The following KCNK9 variants were observed in gnomAD, a reference collection of about 807,000 sequenced individuals.
The protein encoded by KCNK9 is potassium two pore domain channel subfamily K member 9.
Under a neutral mutation model 10.8 loss-of-function variants are expected in KCNK9, and 1 was observed. The ratio of observed to expected loss-of-function variants is 0.09; its 90% CI spans 0.03 to 0.44. The LOEUF (loss-of-function observed/expected upper bound fraction) is 0.44. KCNK9 is among the 20% of genes least tolerant of loss of function. The pLI is 0.97. For synonymous variants in KCNK9, 231 were observed against 222.7 expected, an observed-to-expected ratio of 1.04 and a Z score of -0.33; for missense variants, 303 against 515.0, an observed-to-expected ratio of 0.59 and a Z score of 3.98.
intron 1 of KCNK9, among the ~76,000 whole-genome samples, chr8:139,636,510 C>T (rs1815344905): frequency 6.6e-6 from 1 of 152,232 alleles, no homozygotes; most frequent in Non-Finnish European, 1.5e-5. Context: ...CAGAGGTAGA[C>T]TCAGCTCCTG....
chr8:139,680,366 A>G (rs1816662403), intron 1 of KCNK9, among the ~76,000 whole-genome samples: 1 of 152,122 alleles, frequency 6.6e-6, no homozygotes, highest in Admixed American at 6.5e-5. Flanking sequence ...TTCCCCAGGA[A>G]CCACAGCCAT....
chr8:139,638,894 A>G (rs1328986244), intron 1 of KCNK9, among the ~76,000 whole-genome samples: 10 of 152,152 alleles, frequency 6.6e-5, no homozygotes, highest in Non-Finnish European at 1.3e-4. Context: ...CGAGTCCACC[A>G]GCTCTCTCTG....
chr8:139,648,104 G>C (rs188933549), intron 1 of KCNK9, among the ~76,000 whole-genome samples: 1 of 152,172 alleles, frequency 6.6e-6, no homozygotes, highest in Admixed American at 6.5e-5. Context: ...AAAGAGGTAC[G>C]GACACATTGC....
downstream of KCNK9, chr8:139,616,981 T>C (rs144477535): frequency 6.5e-4 from 99 of 152,280 alleles, no homozygotes; most frequent in Middle Eastern, 3.4e-3. Context: ...GGGAGGAATT[T>C]CTACACTACT....
intron 1 of KCNK9, among the ~76,000 whole-genome samples, chr8:139,623,931 G>C (rs915916830): frequency 3.9e-5 from 6 of 152,098 alleles, no homozygotes; most frequent in Admixed American, 1.3e-4. Context: ...TCAGTCACTC[G>C]AACCACTTCA....
rs1045137294 is a variant in KCNK9 at position 139,693,412 on chromosome 8, C to T, written c.283+9298G>A. Among the ~76,000 whole-genome samples, 5 of 152,038 alleles carry T rather than the reference C, an allele frequency of 3.3e-5. No homozygotes were observed. The highest frequency in any genetic ancestry group is 2.6e-4 in the Admixed American group (4 of 15,264). ...CAAAAGGCTGCAGCCTGTCCTGCAC[C>T]TACCCAGTGGTCCCAAGGCACAACC... On this transcript the variant is annotated intron_variant, in intron 1 of 1. Transcript: ENST00000520439. The surrounding 1 kb of genome is among the most constrained non-coding windows in gnomAD (Gnocchi z 4.1).
chr8:139,687,306 G>A (rs551494841), intron 1 of KCNK9, among the ~76,000 whole-genome samples: 7 of 145,752 alleles, frequency 4.8e-5, no homozygotes, highest in Non-Finnish European at 1.5e-5. Context: ...ATTTTGTTTG[G>A]TTTTTCTTAA....
chr8:139,699,935 GT>G (rs1817161782), intron 1 of KCNK9, among the ~76,000 whole-genome samples: 1 of 152,148 alleles, frequency 6.6e-6, no homozygotes, highest in Non-Finnish European at 1.5e-5. Context: ...ATAGCTCAAG[GT>G]TAGATTAAAA....
intron 1 of KCNK9, among the ~76,000 whole-genome samples, chr8:139,636,897 C>CA (rs1340525354): frequency 5.9e-5 from 9 of 152,196 alleles, no homozygotes; most frequent in Non-Finnish European, 1.2e-4. Context: ...ATGGAAGGGT[C>CA]ACTCCTGTCT....
At chr8:139,616,336 G>A (rs1468434642), downstream of KCNK9, 1 of 152,148 alleles carries the variant, frequency 6.6e-6, no homozygotes, top group African/African-American at 2.4e-5. Context: ...AGAGCCCCAA[G>A]TAGGGCCTCC....
chr8:139,669,090 A>G (rs534171287), intron 1 of KCNK9, among the ~76,000 whole-genome samples: 157 of 149,066 alleles, frequency 1.1e-3, no homozygotes, highest in African/African-American at 3.7e-3. Context: ...AACAATATAC[A>G]TACCTCAATT....
chr8:139,618,428 T>C lies in KCNK9; in HGVS notation c.955A>G (p.Ser319Gly), dbSNP rs776613362. ...GRSVAPQNSF[S>G]AKLAPHYFHS... ...AAGTAGTGGGGGGCAAGCTTGGCGC[T>C]GAAGGAGTTCTGCGGTGCCACCGAG... Residue 319 changes from serine to glycine, a missense_variant, in exon 2 of 2, where the codon AGC becomes GGC. This residue lies in a region of KCNK9 where 138 missense variants were observed against 161.1 expected (regional missense o/e 0.86). Transcript: ENST00000520439. The surrounding 1 kb of genome is among the most constrained non-coding windows in gnomAD (Gnocchi z 7.9). 1 of 1,614,144 alleles carries C rather than the reference T, an allele frequency of 6.2e-7. No homozygotes were observed. The highest frequency in any genetic ancestry group is 1.1e-5 in the South Asian group (1 of 91,082).
intron 1 of KCNK9, among the ~76,000 whole-genome samples, chr8:139,688,246 G>A (rs1186825319): frequency 6.6e-6 from 1 of 152,160 alleles, no homozygotes; most frequent in African/African-American, 2.4e-5. Flanking sequence ...TTGAGCTCAG[G>A]TCCCTTCATG....
chr8:139,630,336 C>T (rs1815123963), intron 1 of KCNK9, among the ~76,000 whole-genome samples: 1 of 152,184 alleles, frequency 6.6e-6, no homozygotes, highest in South Asian at 2.1e-4. Context: ...AGGAACGGGT[C>T]TGCTCGCAGG....
intron 1 of KCNK9, among the ~76,000 whole-genome samples, chr8:139,650,525 C>G (rs937238993): frequency 6.6e-6 from 1 of 152,134 alleles, no homozygotes; most frequent in South Asian, 2.1e-4. Flanking sequence ...TCTCCCCTCT[C>G]CCTCATCCCC....
intron 1 of KCNK9, among the ~76,000 whole-genome samples, chr8:139,695,958 C>T (rs767768975): frequency 2.6e-4 from 40 of 152,216 alleles, no homozygotes; most frequent in Non-Finnish European, 4.6e-4. Context: ...ACTCCAGGCT[C>T]AACTTCGCAT....
In KCNK9 at chr8:139,702,546, G is replaced by A. The variant is rs1407454944; in HGVS notation, c.283+164C>T. Among the ~76,000 whole-genome samples, 1 of 152,126 alleles carries A rather than the reference G, an allele frequency of 6.6e-6. No individual in the cohort carries two copies. Among genetic ancestry groups the A allele is most frequent in the Non-Finnish European group, 1.5e-5 (1 of 67,996 alleles). The stretch of plus-strand genomic sequence containing the variant: ...CCGAAGGGTGAGGCTCGGAGGCGCC[G>A]CGGAGGGGGGGCTCCCTAGAGAGGA... On this transcript the variant is annotated intron_variant, in intron 1 of 1. Transcript: ENST00000520439. The surrounding 1 kb of genome is among the most constrained non-coding windows in gnomAD (Gnocchi z 7.5).
chr8:139,621,753 G>A (rs1814788395), intron 1 of KCNK9, among the ~76,000 whole-genome samples: 1 of 152,128 alleles, frequency 6.6e-6, no homozygotes, highest in Non-Finnish European at 1.5e-5. Flanking sequence ...TGGCAAACAA[G>A]TAGGGTAAAT....
In KCNK9 at chr8:139,693,415, C is replaced by T. The variant is rs1456336857; in HGVS notation, c.283+9295G>A. On this transcript the variant is annotated intron_variant, in intron 1 of 1. Transcript: ENST00000520439. This position sits in a 1 kb window ranked among gnomAD's most constrained non-coding sequence, Gnocchi z 4.1. ...AAGGCTGCAGCCTGTCCTGCACCTA[C>T]CCAGTGGTCCCAAGGCACAACCAAG... 6.6e-6 allele frequency among the ~76,000 whole-genome samples: 1 copy of T among 152,042 alleles called. No homozygotes were observed. The highest frequency in any genetic ancestry group is 1.5e-5 in the Non-Finnish European group (1 of 68,018).
Sources: allele counts gnomAD v4.1 joint callset (sites outside exome capture counted in the v4.1 genomes callset), GRCh38; gene constraint gnomAD v4.1.1; regional missense constraint gnomAD v4.1.1; non-coding constraint Gnocchi (gnomAD v3.1); transcripts MANE v1.5; gene names NCBI Gene and HGNC (gene_info 2026-07-23, HGNC 2026-07-21).